Variants in CALD1 observed in about 807,000 individuals in gnomAD.
The protein encoded by CALD1 is caldesmon.
CALD1 carries 33 observed loss-of-function variants against 99.9 expected under a neutral mutation model. The ratio of observed to expected loss-of-function variants is 0.33; its 90% confidence interval spans 0.25 to 0.44. The LOEUF is 0.44. CALD1 is among the 20% of genes least tolerant of loss of function. The pLI, the probability that CALD1 is intolerant of heterozygous loss-of-function variation, is 1.00. For missense variants in CALD1, 861 were observed against 962.1 expected (o/e 0.89, Z 1.39); for synonymous variants, 310 against 325.0 (o/e 0.95, Z 0.50).
At chr7:134,813,061 C>T (rs978284074) in intron 1 of CALD1, among the ~76,000 whole-genome samples, 2 of 152,142 alleles carry the variant, frequency 1.3e-5, no homozygotes, top group African/African-American at 4.8e-5. Flanking sequence ...AGGAAGTGAT[C>T]AACTGTGTCA....
In CALD1 at chr7:134,872,193, C is replaced by T. The variant is rs1586164801; in HGVS notation, c.71+4389C>T. On this transcript the variant is annotated intron_variant, in intron 3 of 14. Coordinates refer to ENST00000361675, the MANE Select transcript of CALD1 (RefSeq NM_033138.4). ...CCAACATGGAGAAACCCCGTCTGTA[C>T]TAAAAATACAAAAAGTAGCTAGGCA... Among the ~76,000 whole-genome samples, 3 of 151,978 alleles carry T rather than the reference C, an allele frequency of 2.0e-5. No individual in the cohort carries two copies. The East Asian group carries it at 5.8e-4, about 29-fold the overall frequency.
intron 1 of CALD1, among the ~76,000 whole-genome samples, chr7:134,747,134 T>G (rs1422229483): frequency 6.6e-6 from 1 of 152,218 alleles, no homozygotes; most frequent in East Asian, 1.9e-4. Context: ...GATTGTCATC[T>G]CAATGGAAGC....
Position 134,933,879 on chromosome 7 carries a change from G to T in CALD1, c.1110G>T (p.Arg370Ser). 1 of 1,613,396 alleles carries T rather than the reference G, an allele frequency of 6.2e-7. No homozygotes were observed. The highest frequency in any genetic ancestry group is 1.7e-5 in the Admixed American group (1 of 59,946). ...KEEEKRAAEE[R>S]QRARAEEEEK... ...AAGAGAAAAGGGCAGCAGAGGAGAG[G>T]CAAAGGGCCAGGGCAGAGGAGGAAG... The change falls in exon 5 of 15, where the codon AGG becomes AGT. Residue 370 changes from arginine (R) to serine (S), a missense_variant. Physicochemically the swap from Arg to Ser is moderately radical, Grantham distance 110. Around this residue, in one of 5 missense-constraint regions of CALD1, gnomAD observed 293 missense variants for 262.7 expected, o/e 1.12. Coordinates refer to ENST00000361675, the MANE Select transcript of CALD1 (RefSeq NM_033138.4).
intron 3 of CALD1, among the ~76,000 whole-genome samples, chr7:134,889,412 A>G (rs1304039349): frequency 3.3e-5 from 5 of 152,298 alleles, no homozygotes; most frequent in Admixed American, 2.6e-4. Context: ...TTAAAGAGCC[A>G]TGTGATTCAT....
At chr7:134,839,753 G>T (rs1405012139) in intron 1 of CALD1, among the ~76,000 whole-genome samples, 1 of 152,050 alleles carries the variant, frequency 6.6e-6, no homozygotes, top group East Asian at 1.9e-4. Flanking sequence ...GCAGTGTCAC[G>T]ATCATGGCTT....
At chr7:134,931,055 G>A (rs372600388) in intron 4 of CALD1, among the ~76,000 whole-genome samples, 2 of 151,124 alleles carry the variant, frequency 1.3e-5, no homozygotes, top group African/African-American at 4.9e-5. Flanking sequence ...ATATTTGGCT[G>A]TTATTCATTA....
chr7:134,909,252 G>A (rs1803616817), intron 3 of CALD1, among the ~76,000 whole-genome samples: 1 of 152,250 alleles, frequency 6.6e-6, no homozygotes, highest in South Asian at 2.1e-4. Context: ...AAGAGGATAT[G>A]GAAGTGCAGT....
intron 1 of CALD1, among the ~76,000 whole-genome samples, chr7:134,817,882 T>A (rs1192636912): frequency 6.6e-6 from 1 of 152,200 alleles, no homozygotes; most frequent in Non-Finnish European, 1.5e-5. Flanking sequence ...TTTCCCCATA[T>A]ATTTCTAAAA....
At chr7:134,869,846 A>G (rs574956832) in intron 3 of CALD1, among the ~76,000 whole-genome samples, 1 of 152,258 alleles carries the variant, frequency 6.6e-6, no homozygotes, top group East Asian at 1.9e-4. Context: ...AGTGTAGAAA[A>G]AGTGAGCGGT....
intron 1 of CALD1, among the ~76,000 whole-genome samples, chr7:134,780,958 A>AG (rs1414620491): frequency 6.6e-6 from 1 of 152,220 alleles, no homozygotes; most frequent in Admixed American, 6.5e-5. Context: ...ATTTTATTCC[A>AG]TGCAATGCGG....
chr7:134,736,243 G>T, the CALD1 span, among the ~76,000 whole-genome samples: 1 of 152,150 alleles, frequency 6.6e-6, no homozygotes, highest in Non-Finnish European at 1.5e-5. Flanking sequence ...GAGAATAAGT[G>T]TATTATAACT....
At chr7:134,930,544 A>G (rs1024553704) in intron 4 of CALD1, among the ~76,000 whole-genome samples, 2 of 152,152 alleles carry the variant, frequency 1.3e-5, no homozygotes, top group South Asian at 4.1e-4. Flanking sequence ...TTCAGAAAGC[A>G]GTCTTGAAAA....
chr7:134,931,716 G>A (rs751515310), intron 4 of CALD1, among the ~76,000 whole-genome samples: 1 of 152,186 alleles, frequency 6.6e-6, no homozygotes, highest in Admixed American at 6.5e-5. Context: ...ACAGTGTCCA[G>A]CATCCTGCAG....
rs1457471198 is a variant in CALD1 at position 134,947,541 on chromosome 7, G to C, written c.1566G>C (p.Lys522Asn). The part of the protein sequence containing the change: ...RPGGRASVDT[K>N]EAEGAPQVEA... ...GAGGGAGGGCCAGCGTGGACACCAA[G>C]GAGGCTGAGGGCGCCCCCCAGGTGG... is the stretch of plus-strand genomic sequence containing the variant. Residue 522 changes from lysine to asparagine, a missense_variant, in exon 8 of 15, where the codon AAG (lysine) becomes AAC (asparagine). Lys to Asn is a moderately conservative substitution (Grantham distance 94). Transcript: ENST00000361675. 19 of 1,565,186 alleles carry C rather than the reference G, an allele frequency of 1.2e-5. No individual in the cohort carries two copies. Among genetic ancestry groups the C allele is most frequent in the Non-Finnish European group, 1.6e-5 (19 of 1,154,590 alleles).
chr7:134,754,541 C>G (rs929207875), intron 1 of CALD1, among the ~76,000 whole-genome samples: 4 of 152,202 alleles, frequency 2.6e-5, no homozygotes, highest in African/African-American at 9.6e-5. Flanking sequence ...CCTTTTGGCT[C>G]CCAGAGGTAC....
intron 1 of CALD1, among the ~76,000 whole-genome samples, chr7:134,744,525 A>C (rs1441447291): frequency 6.6e-6 from 1 of 151,182 alleles, no homozygotes; most frequent in African/African-American, 2.4e-5. Context: ...AGATTAATTT[A>C]ATAATTTTAT....
intron 1 of CALD1, among the ~76,000 whole-genome samples, chr7:134,836,506 C>T (rs1563034125): frequency 2.0e-5 from 3 of 152,178 alleles, no homozygotes; most frequent in African/African-American, 7.2e-5. Context: ...AGAGAAACAA[C>T]TGCCACTACC....
At chr7:134,857,307 C>T (rs1222081989) in intron 2 of CALD1, among the ~76,000 whole-genome samples, 13 of 151,636 alleles carry the variant, frequency 8.6e-5, no homozygotes, top group Admixed American at 3.9e-4. Flanking sequence ...GTAGCTGGGA[C>T]TACAGATGCC....
intron 3 of CALD1, among the ~76,000 whole-genome samples, chr7:134,922,497 G>A (rs1804688106): frequency 6.6e-6 from 1 of 152,112 alleles, no homozygotes; most frequent in Admixed American, 6.6e-5. Flanking sequence ...CGGGGAACAC[G>A]GAGTAAAAAA....
Sources: gnomAD v4.1 joint callset for allele counts (sites outside exome capture counted in the v4.1 genomes callset) on GRCh38, gnomAD v4.1.1 for gene constraint, gnomAD v4.1.1 regional missense constraint, MANE v1.5 for transcripts, NCBI Gene and HGNC (gene_info 2026-07-23, HGNC 2026-07-21) for gene names.